Variants in PLCL1 observed in about 807,000 individuals in gnomAD.
The protein encoded by PLCL1 is phospholipase C like 1 (inactive).
Under a neutral mutation model 84.4 loss-of-function variants are expected in PLCL1, and 41 were observed. The observed-to-expected ratio is 0.49, with a 90% CI of 0.38 to 0.63. The LOEUF (loss-of-function observed/expected upper bound fraction) is 0.63, where lower values mean the gene tolerates loss of function less well. PLCL1 is among the 30% of genes least tolerant of loss of function. The pLI is 0.00. For missense variants in PLCL1, 1,206 were observed against 1,367.8 expected (o/e 0.88, Z 1.87); for synonymous variants, 490 against 488.3 (o/e 1.00, Z -0.05).
chr2:197,942,427 T>C (rs1689177083), intron 1 of PLCL1, among the ~76,000 whole-genome samples: 1 of 152,236 alleles, frequency 6.6e-6, no homozygotes, highest in Non-Finnish European at 1.5e-5. Flanking sequence ...ATGATTTATT[T>C]CTTCCATTCC....
At chr2:197,954,533 A>G (rs1348100168) in intron 1 of PLCL1, among the ~76,000 whole-genome samples, 2 of 152,098 alleles carry the variant, frequency 1.3e-5, no homozygotes, top group African/African-American at 4.8e-5. Context: ...AGCAAGCATC[A>G]TAGTGGGTGT....
At chr2:198,052,719 A>G (rs1459284023) in intron 1 of PLCL1, among the ~76,000 whole-genome samples, 1 of 152,160 alleles carries the variant, frequency 6.6e-6, no homozygotes, top group African/African-American at 2.4e-5. Context: ...TGTCTCCTCA[A>G]ATCCCACCTG....
At chr2:197,849,307 G>T (rs1486380376) in intron 1 of PLCL1, among the ~76,000 whole-genome samples, 1 of 152,190 alleles carries the variant, frequency 6.6e-6, no homozygotes, top group Non-Finnish European at 1.5e-5. Flanking sequence ...AGCACTTTGG[G>T]AGGCTGAGGT....
chr2:197,808,535 T>A (rs965452951), intron 1 of PLCL1, among the ~76,000 whole-genome samples: 2 of 152,198 alleles, frequency 1.3e-5, no homozygotes, highest in Non-Finnish European at 2.9e-5. Flanking sequence ...CTAGATCATA[T>A]AAGAAATACA....
At chr2:197,892,237 T>C (rs1574934700) in intron 1 of PLCL1, among the ~76,000 whole-genome samples, 1 of 151,918 alleles carries the variant, frequency 6.6e-6, no homozygotes, top group Non-Finnish European at 1.5e-5. Flanking sequence ...CGGTGGCAGG[T>C]AAGGGAATAG....
intron 1 of PLCL1, among the ~76,000 whole-genome samples, chr2:198,043,881 C>CTTTTT (rs397800019): frequency 0.39 from 48,630 of 123,492 alleles, 10,022 homozygotes; most frequent in Middle Eastern, 0.55. Flanking sequence ...AATTCTTGTT[C>CTTTTT]TTTTTTTTTT....
chr2:198,022,740 A>G (rs1691167863), intron 1 of PLCL1, among the ~76,000 whole-genome samples: 1 of 152,214 alleles, frequency 6.6e-6, no homozygotes, highest in Non-Finnish European at 1.5e-5. Context: ...TGCTCAAGGA[A>G]ATAAGAGAGA....
chr2:197,869,375 CT>C (rs937171660), intron 1 of PLCL1, among the ~76,000 whole-genome samples: 53 of 146,284 alleles, frequency 3.6e-4, no homozygotes, highest in Middle Eastern at 3.5e-3. Context: ...GTATCTTTTT[CT>C]TTTTTTTTTG....
chr2:197,950,230 G>A (rs1689361411), intron 1 of PLCL1, among the ~76,000 whole-genome samples: 1 of 152,128 alleles, frequency 6.6e-6, no homozygotes, highest in Non-Finnish European at 1.5e-5. Context: ...CTTCCAACTA[G>A]TAGAGTGTCC....
chr2:197,836,446 CAAAAAAAAA>C (rs35510400), intron 1 of PLCL1, among the ~76,000 whole-genome samples: 1 of 34,534 alleles, frequency 2.9e-5, no homozygotes, highest in African/African-American at 1.0e-4. Flanking sequence ...GACTCCGTCT[CAAAAAAAAA>C]AAAAAAAAAA....
chr2:197,976,422 C>T (rs139426307), intron 1 of PLCL1, among the ~76,000 whole-genome samples: 288 of 152,236 alleles, frequency 1.9e-3, no homozygotes, highest in African/African-American at 6.6e-3. Flanking sequence ...GAGGACATTA[C>T]GGAACTTTCC....
At chr2:197,923,819 T>G (rs1410722176) in intron 1 of PLCL1, among the ~76,000 whole-genome samples, 7 of 150,880 alleles carry the variant, frequency 4.6e-5, no homozygotes, top group African/African-American at 7.3e-5. Context: ...CTGGGAGGTG[T>G]AGGTTGTAGC....
At chr2:197,828,076 T>C (rs969172297) in intron 1 of PLCL1, among the ~76,000 whole-genome samples, 1 of 152,150 alleles carries the variant, frequency 6.6e-6, no homozygotes, top group Non-Finnish European at 1.5e-5. Context: ...TAGAGATGAA[T>C]AGAAAAAAGT....
chr2:197,975,089 C>T (rs1035159732), intron 1 of PLCL1, among the ~76,000 whole-genome samples: 31 of 137,340 alleles, frequency 2.3e-4, no homozygotes, highest in African/African-American at 3.9e-4. Context: ...TGCAGTGAGC[C>T]GAGATTGCGC....
intron 1 of PLCL1, among the ~76,000 whole-genome samples, chr2:197,904,508 C>T (rs1688338172): frequency 6.6e-6 from 1 of 152,094 alleles, no homozygotes; most frequent in Admixed American, 6.5e-5. Context: ...TTTTTCTTGG[C>T]AATACACTGA....
chr2:197,813,851 C>T (rs1321408866), intron 1 of PLCL1, among the ~76,000 whole-genome samples: 2 of 152,096 alleles, frequency 1.3e-5, no homozygotes, highest in African/African-American at 4.8e-5. Flanking sequence ...AATCTTTATG[C>T]TATATGTTCT....
At chr2:197,926,456 A>G (rs908703271) in intron 1 of PLCL1, among the ~76,000 whole-genome samples, 4 of 152,180 alleles carry the variant, frequency 2.6e-5, no homozygotes, top group East Asian at 3.8e-4. Context: ...TATGTCAGCC[A>G]TTCATGGCCA....
At position 198,149,168 on chromosome 2, in the gene PLCL1, T is replaced by G. The variant is rs1263576511; in HGVS notation, c.*2206T>G. 1 of 151,770 alleles carries G rather than the reference T, an allele frequency of 6.6e-6. No individual in the cohort carries two copies. Among genetic ancestry groups the G allele is most frequent in the Non-Finnish European group, 1.5e-5 (1 of 68,000 alleles). 9.4% of individuals were successfully genotyped at this position (151,770 alleles called of 1,614,324 possible). A position where few individuals can be genotyped will look rare whatever the true frequency, so the allele number is the denominator to read the frequency against. The stretch of plus-strand genomic sequence containing the variant: ...GTGATGTTCCTGCCTCCAGATAGAA[T>G]AGCAAAAACAAACAATTTTTTTTTG... On this transcript the variant is annotated 3_prime_UTR_variant, in exon 6 of 6. Coordinates refer to ENST00000428675, the MANE Select transcript of PLCL1 (RefSeq NM_006226.4).
At chr2:198,048,864 T>C (rs1691866069) in intron 1 of PLCL1, among the ~76,000 whole-genome samples, 1 of 152,230 alleles carries the variant, frequency 6.6e-6, no homozygotes, top group South Asian at 2.1e-4. Flanking sequence ...GGACTAAGTT[T>C]CAACATATGA....
Sources: allele counts gnomAD v4.1 joint callset (sites outside exome capture counted in the v4.1 genomes callset), GRCh38; gene constraint gnomAD v4.1.1; transcripts MANE v1.5; gene names NCBI Gene and HGNC (gene_info 2026-07-23, HGNC 2026-07-21).